Variants in BDNF observed in about 807,000 individuals in gnomAD.
BDNF encodes the protein brain derived neurotrophic factor.
A neutral mutation model predicts 19.5 loss-of-function variants in BDNF; 1 was observed. The ratio of observed to expected loss-of-function variants is 0.05; its 90% CI spans 0.02 to 0.24. BDNF has a LOEUF of 0.24. BDNF is among the 10% of genes least tolerant of loss of function. The probability of loss-of-function intolerance (pLI) is 1.00; values close to 1 mark genes in which losing one functional copy is unlikely to be tolerated. For synonymous variants in BDNF, 100 were observed against 121.6 expected (o/e 0.82, Z 1.17); for missense variants, 195 against 317.6 (o/e 0.61, Z 2.93).
upstream of BDNF, among the ~76,000 whole-genome samples, chr11:27,704,556 AT>A (rs1362324659): frequency 2.0e-5 from 3 of 152,126 alleles, no homozygotes; most frequent in Admixed American, 6.5e-5. Flanking sequence ...GAAAAAAAAA[AT>A]AAGTTGTCTA....
In BDNF at chr11:27,659,454, A is replaced by G. The variant is rs1358173024; in HGVS notation, c.-21-869T>C. The G allele has an allele frequency of 7.0e-6, 7 of 1,000,212 alleles. No individual in the cohort carries two copies. In the South Asian group the frequency reaches 3.3e-4, roughly 47 times the overall value. The allele number at this position is 1,000,212 out of a possible 1,614,324, so 62.0% of individuals were successfully genotyped here. ...AAAACAATGTGTCTGGTAAGGAGAA[A>G]ACTGAAAAAGTCAGCATTAAAAAGA... On this transcript the variant is annotated intron_variant, in intron 1 of 1. Coordinates refer to ENST00000356660, the MANE Select transcript of BDNF (RefSeq NM_001709.5).
At chr11:27,669,780 A>G (rs928377625) in intron 1 of BDNF, among the ~76,000 whole-genome samples, 2 of 152,244 alleles carry the variant, frequency 1.3e-5, no homozygotes, top group African/African-American at 4.8e-5. Context: ...ATGGAAGAAC[A>G]TTCCATTCTC....
Position 27,656,764 on chromosome 11 carries a change from T to G in BDNF, c.*1057A>C. 1 of 985,352 alleles carries G rather than the reference T, an allele frequency of 1.0e-6. No homozygotes were observed. Among genetic ancestry groups the G allele is most frequent in the Non-Finnish European group, 1.2e-6 (1 of 829,884 alleles). The allele number at this position is 985,352 out of a possible 1,614,324, so 61.0% of individuals were successfully genotyped here. A position where few individuals can be genotyped will look rare whatever the true frequency, so the allele number is the denominator to read the frequency against. ...GATTTACCCAAATGTTCACTCCTCA[T>G]AAAAAATAATCTTCATTTTGGGGTT... On this transcript the variant is annotated 3_prime_UTR_variant, in exon 2 of 2. Transcript: ENST00000356660.
intron 1 of BDNF, chr11:27,675,813 C>T (rs1427965257): frequency 1.3e-5 from 2 of 151,932 alleles, no homozygotes; most frequent in Non-Finnish European, 2.9e-5. Context: ...CAGACACTCA[C>T]AGACTGTGCC....
intron 1 of BDNF, among the ~76,000 whole-genome samples, chr11:27,673,036 G>A (rs1454880743): frequency 6.6e-6 from 1 of 152,128 alleles, no homozygotes; most frequent in East Asian, 1.9e-4. Flanking sequence ...GGGTGGGGCT[G>A]AGATGACACA....
intron 1 of BDNF, among the ~76,000 whole-genome samples, chr11:27,695,734 C>T (rs1858909350): frequency 1.3e-5 from 2 of 152,070 alleles, no homozygotes; most frequent in East Asian, 1.9e-4. Context: ...GTTCTCCTGT[C>T]CCACACTCAG....
At chr11:27,687,494 G>A (rs981256178) in intron 1 of BDNF, among the ~76,000 whole-genome samples, 3 of 152,160 alleles carry the variant, frequency 2.0e-5, no homozygotes, top group African/African-American at 7.2e-5. Context: ...AGGCATTCTG[G>A]TTTTTGGAAT....
At chr11:27,660,937 T>A (rs1458761544) in intron 1 of BDNF, among the ~76,000 whole-genome samples, 1 of 152,238 alleles carries the variant, frequency 6.6e-6, no homozygotes, top group Non-Finnish European at 1.5e-5. Context: ...TACCATTTTC[T>A]ATACTTGGCT....
chr11:27,720,008 C>G lies in BDNF; in HGVS notation c.3+1404G>C, dbSNP rs186742127. On this transcript the variant is annotated intron_variant, in intron 1 of 1. Coordinates refer to the BDNF transcript ENST00000314915. ...AAAAGCTTCATAATTAGTAATGAATCTACTGTACACACACACACACACACC... is the reference window on the plus strand; with the variant it reads ...AAAAGCTTCATAATTAGTAATGAATGTACTGTACACACACACACACACACC... Among the ~76,000 whole-genome samples the G allele has an allele frequency of 4.0e-5, 6 of 151,882 alleles. No homozygotes were observed. The East Asian group carries it at 1.2e-3, about 30-fold the overall frequency.
chr11:27,695,045 T>C (rs2134043973), intron 1 of BDNF, among the ~76,000 whole-genome samples: 1 of 152,296 alleles, frequency 6.6e-6, no homozygotes, highest in East Asian at 1.9e-4. Flanking sequence ...TTTTAAAATT[T>C]CATCTGTAAT....
chr11:27,719,637 G>GAA (rs1037665297), intron 1 of BDNF: 1 of 935,160 alleles, frequency 1.1e-6, no homozygotes, highest in Non-Finnish European at 1.3e-6. Flanking sequence ...GGACAGAAGG[G>GAA]AAAAAAAAAA....
At chr11:27,663,926 G>A (rs1179571106) in intron 1 of BDNF, among the ~76,000 whole-genome samples, 3 of 152,048 alleles carry the variant, frequency 2.0e-5, no homozygotes, top group South Asian at 4.1e-4. Context: ...CAGACAATGT[G>A]GTCTTTTTCT....
intron 1 of BDNF, among the ~76,000 whole-genome samples, chr11:27,707,250 T>C (rs1860146592): frequency 6.6e-6 from 1 of 152,316 alleles, no homozygotes; most frequent in East Asian, 1.9e-4. Context: ...ACATGATACC[T>C]AGAATCAAGT....
At chr11:27,702,640 G>C (rs1366034096), upstream of BDNF, among the ~76,000 whole-genome samples, 1 of 152,186 alleles carries the variant, frequency 6.6e-6, no homozygotes, top group Non-Finnish European at 1.5e-5. Flanking sequence ...AGAATGTGCT[G>C]TTGAACTGAA....
chr11:27,678,311 G>A (rs890307489), intron 1 of BDNF, among the ~76,000 whole-genome samples: 1 of 152,182 alleles, frequency 6.6e-6, no homozygotes, highest in African/African-American at 2.4e-5. Context: ...ACAACCCTGA[G>A]GGGGTGGCCA....
At chr11:27,669,622 CAG>C (rs1389963080) in intron 1 of BDNF, among the ~76,000 whole-genome samples, 1 of 152,036 alleles carries the variant, frequency 6.6e-6, no homozygotes, top group Non-Finnish European at 1.5e-5. Flanking sequence ...AACAGACAAA[CAG>C]AGAGCCAAAT....
chr11:27,693,396 AT>A lies in BDNF; in HGVS notation c.-22+6767del, dbSNP rs377481415. Among the ~76,000 whole-genome samples the A allele has an allele frequency of 4.1e-3, 624 of 152,224 alleles. 5 individuals carry two copies. Among genetic ancestry groups the A allele is most frequent in the African/African-American group, 0.014 (585 of 41,516 alleles). On this transcript the variant is annotated intron_variant, in intron 1 of 1. Coordinates refer to ENST00000356660, the MANE Select transcript of BDNF (RefSeq NM_001709.5). ...CAACTCTCTATTCTCTCCTAAATTGATTTTTTTGTACTTAATCATAGTATTT... is the reference window on the plus strand; with the variant it reads ...CAACTCTCTATTCTCTCCTAAATTGATTTTTTGTACTTAATCATAGTATTT...
intron 1 of BDNF, chr11:27,675,221 A>G (rs1855924293): frequency 6.6e-6 from 1 of 152,346 alleles, no homozygotes; most frequent in African/African-American, 2.4e-5. Context: ...ATTTCTGATA[A>G]GCAGTTTGTT....
At chr11:27,698,943 A>G (rs1859534185) in intron 1 of BDNF, among the ~76,000 whole-genome samples, 1 of 152,170 alleles carries the variant, frequency 6.6e-6, no homozygotes, top group Admixed American at 6.5e-5. Context: ...AAACTTGCAT[A>G]GAAGCCAAAC....
Sources: gnomAD v4.1 joint callset for allele counts (sites outside exome capture counted in the v4.1 genomes callset) on GRCh38, gnomAD v4.1.1 for gene constraint, MANE v1.5 for transcripts, NCBI Gene and HGNC (gene_info 2026-07-23, HGNC 2026-07-21) for gene names.